Variants in FHIT observed in about 807,000 individuals in gnomAD.
FHIT encodes the protein bis(5'-adenosyl)-triphosphatase.
A neutral mutation model predicts 17.9 loss-of-function variants in FHIT; 19 were observed. The ratio of observed to expected loss-of-function variants is 1.06; its 90% CI spans 0.74 to 1.56. The LOEUF is 1.56. Among genes scored for constraint, FHIT ranks in the 40% most tolerant of loss-of-function variants. FHIT has a pLI of 0.00. For synonymous variants in FHIT, 81 were observed against 69.7 expected (o/e 1.16, Z -0.81); for missense variants, 248 against 189.2 (o/e 1.31, Z -1.82).
chr3:60,948,699 G>A (rs1011521649), intron 3 of FHIT, among the ~76,000 whole-genome samples: 2 of 152,280 alleles, frequency 1.3e-5, no homozygotes, highest in South Asian at 2.1e-4. Context: ...CTCTGGTGGA[G>A]GAAGTATTAG....
At chr3:60,670,505 T>C (rs2040482192) in intron 4 of FHIT, among the ~76,000 whole-genome samples, 1 of 152,188 alleles carries the variant, frequency 6.6e-6, no homozygotes, top group Admixed American at 6.5e-5. Flanking sequence ...TCAAATTTTC[T>C]GAGTACATTC....
intron 3 of FHIT, among the ~76,000 whole-genome samples, chr3:60,888,503 GAA>G (rs549967339): frequency 6.9e-6 from 1 of 145,840 alleles, no homozygotes; most frequent in Non-Finnish European, 1.5e-5. Flanking sequence ...TTCTTTCTAA[GAA>G]AAAAAAAAAT....
chr3:60,652,909 CAAACAAAACA>C (rs57749384), intron 4 of FHIT, among the ~76,000 whole-genome samples: 15,308 of 139,130 alleles, frequency 0.11, 867 homozygotes, highest in African/African-American at 0.12. Flanking sequence ...AAGTTCATCT[CAAACAAAACA>C]AAACAAAACA....
chr3:61,144,820 G>A (rs141685112), intron 2 of FHIT, among the ~76,000 whole-genome samples: 88 of 152,202 alleles, frequency 5.8e-4, no homozygotes, highest in African/African-American at 1.7e-3. Flanking sequence ...GCATCTCTTC[G>A]TGTGCTATTA....
chr3:60,122,002 A>C (rs1705279469), intron 5 of FHIT, among the ~76,000 whole-genome samples: 1 of 152,144 alleles, frequency 6.6e-6, no homozygotes, highest in South Asian at 2.1e-4. Context: ...CTGCTTTCCT[A>C]AGTATTGTGA....
intron 5 of FHIT, among the ~76,000 whole-genome samples, chr3:60,520,550 G>T (rs764334346): frequency 2.6e-5 from 4 of 152,088 alleles, no homozygotes. Flanking sequence ...AACCTTTCCA[G>T]CATGTACAGG....
chr3:61,146,969 T>A (rs888614730), intron 2 of FHIT, among the ~76,000 whole-genome samples: 3 of 152,056 alleles, frequency 2.0e-5, no homozygotes, highest in African/African-American at 7.2e-5. Flanking sequence ...TATCTTTATG[T>A]ACATTCCTCT....
At chr3:60,280,349 G>C (rs987700343) in intron 5 of FHIT, among the ~76,000 whole-genome samples, 3 of 152,240 alleles carry the variant, frequency 2.0e-5, no homozygotes, top group Middle Eastern at 3.4e-3. Flanking sequence ...AAAGATATCA[G>C]GTCTTAACTT....
chr3:60,165,941 A>G (rs1701153038), intron 5 of FHIT, among the ~76,000 whole-genome samples: 1 of 152,140 alleles, frequency 6.6e-6, no homozygotes, highest in Non-Finnish European at 1.5e-5. Context: ...CCGGACATCT[A>G]TGGCATTTTT....
chr3:59,980,225 C>A (rs1280087373), intron 7 of FHIT, among the ~76,000 whole-genome samples: 2 of 152,146 alleles, frequency 1.3e-5, no homozygotes. Context: ...TGGGCATTGG[C>A]ATGAATGTTA....
chr3:60,055,988 G>A (rs1193947752), intron 5 of FHIT, among the ~76,000 whole-genome samples: 2 of 152,220 alleles, frequency 1.3e-5, no homozygotes, highest in African/African-American at 4.8e-5. Context: ...AGTTGTGGAA[G>A]TGCTTCAGGC....
At chr3:60,412,996 C>A (rs77583817) in intron 5 of FHIT, among the ~76,000 whole-genome samples, 6,864 of 152,186 alleles carry the variant, frequency 0.045, 511 homozygotes, top group African/African-American at 0.15. Context: ...CCCAGCCATG[C>A]AGAACTGTGA....
At chr3:59,778,558 C>T (rs1702433957) in intron 8 of FHIT, among the ~76,000 whole-genome samples, 2 of 152,170 alleles carry the variant, frequency 1.3e-5, no homozygotes, top group Admixed American at 6.5e-5. Flanking sequence ...GCCACAAATA[C>T]TCTGCCACTG....
In FHIT at chr3:59,992,260, C is replaced by T. The variant is rs76994594; in HGVS notation, c.279+19111G>A. On this transcript the variant is annotated intron_variant, in intron 7 of 9. Coordinates refer to ENST00000492590, the MANE Select transcript of FHIT (RefSeq NM_002012.4). ...GAGAAGTGACCTGCCATCAAGCTCC[C>T]GCAGGTTTAAGACATATATTTGTCC... is the stretch of plus-strand genomic sequence containing the variant. Among the ~76,000 whole-genome samples, 1,443 of 152,048 alleles carry T rather than the reference C, an allele frequency of 9.5e-3. 23 individuals carry two copies. Among genetic ancestry groups the T allele is most frequent in the African/African-American group, 0.032 (1,318 of 41,502 alleles).
chr3:59,914,907 C>T (rs1036007833), intron 8 of FHIT, among the ~76,000 whole-genome samples: 1 of 151,934 alleles, frequency 6.6e-6, no homozygotes, highest in Admixed American at 6.6e-5. Flanking sequence ...TTTGCTTTAG[C>T]AGGTTAACTC....
intron 7 of FHIT, among the ~76,000 whole-genome samples, chr3:59,957,770 C>G (rs1481066631): frequency 6.6e-6 from 1 of 152,184 alleles, no homozygotes; most frequent in African/African-American, 2.4e-5. Context: ...ACATACTACT[C>G]TATGACTTCT....
intron 4 of FHIT, among the ~76,000 whole-genome samples, chr3:60,759,720 T>C (rs112212529): frequency 7.9e-5 from 12 of 152,194 alleles, no homozygotes; most frequent in African/African-American, 2.2e-4. Context: ...CAAGTAAGAA[T>C]AGAACTGAGT....
chr3:60,905,787 T>C (rs1363304152), intron 3 of FHIT, among the ~76,000 whole-genome samples: 1 of 152,198 alleles, frequency 6.6e-6, no homozygotes, highest in Non-Finnish European at 1.5e-5. Context: ...CTTCTTTTTA[T>C]AATGAAGACA....
intron 2 of FHIT, among the ~76,000 whole-genome samples, chr3:61,107,637 T>C (rs2036029201): frequency 6.6e-6 from 1 of 152,222 alleles, no homozygotes; most frequent in Admixed American, 6.5e-5. Context: ...TTATCTTTTG[T>C]CTTTCTGATA....
Sources: allele counts gnomAD v4.1 joint callset (sites outside exome capture counted in the v4.1 genomes callset), GRCh38; gene constraint gnomAD v4.1.1; transcripts MANE v1.5; gene names NCBI Gene and HGNC (gene_info 2026-07-23, HGNC 2026-07-21).